ABI3BP: variants seen among roughly 807,000 people sequenced by gnomAD.
The protein encoded by ABI3BP is ABI family member 3 binding protein, also known as target of Nesh-SH3.
Under a neutral mutation model 268.6 loss-of-function variants are expected in ABI3BP, and 216 were observed. That is an observed-to-expected ratio of 0.80 (90% CI 0.72 to 0.90). The LOEUF is 0.90. Ranked by LOEUF, ABI3BP falls within the 40% of genes least tolerant of loss-of-function variation. The pLI, the probability that ABI3BP is intolerant of heterozygous loss-of-function variation, is 0.00. For missense variants in ABI3BP, 2,090 were observed against 2,182.4 expected (o/e 0.96, Z 0.84); for synonymous variants, 730 against 730.0 (o/e 1.00, Z 0.00).
intron 6 of ABI3BP, among the ~76,000 whole-genome samples, chr3:100,877,863 G>A (rs1369954011): frequency 6.6e-6 from 1 of 152,150 alleles, no homozygotes; most frequent in Non-Finnish European, 1.5e-5. Context: ...CAAACACCTG[G>A]TAGTGAGCAA....
chr3:100,940,943 T>C (rs2068891558), intron 1 of ABI3BP, among the ~76,000 whole-genome samples: 1 of 146,632 alleles, frequency 6.8e-6, no homozygotes, highest in African/African-American at 2.5e-5. Flanking sequence ...CCTATTTGTG[T>C]TCTATAAACA....
At position 100,830,110 on chromosome 3, in the gene ABI3BP, C is replaced by CATAT. The variant is rs559297681; in HGVS notation, c.2459-450_2459-447dup. Among the ~76,000 whole-genome samples, 285 of 44,292 alleles carry CATAT rather than the reference C, an allele frequency of 6.4e-3. 2 individuals carry two copies. Among genetic ancestry groups the CATAT allele is most frequent in the Non-Finnish European group, 9.0e-3 (207 of 22,978 alleles). 29.1% of individuals were successfully genotyped at this position (44,292 alleles called of 152,430 possible). A position where few individuals can be genotyped will look rare whatever the true frequency, so the allele number is the denominator to read the frequency against. On this transcript the variant is annotated intron_variant, in intron 32 of 67. Transcript: ENST00000471714. ...ATACATATACATACATACATACATA[C>CATAT]ATATATATATATATATATATATATA... is the stretch of plus-strand genomic sequence containing the variant.
At chr3:100,839,781 A>C (rs1205508434) in intron 23 of ABI3BP, among the ~76,000 whole-genome samples, 165 bp from the exon 24 acceptor site, 1 of 152,080 alleles carries the variant, frequency 6.6e-6, no homozygotes, top group Non-Finnish European at 1.5e-5. Flanking sequence ...GCTTTCCCAC[A>C]CCTCATCTGC....
At chr3:100,939,224 C>T (rs928793880) in intron 1 of ABI3BP, among the ~76,000 whole-genome samples, 5 of 152,212 alleles carry the variant, frequency 3.3e-5, no homozygotes, top group African/African-American at 1.2e-4. Flanking sequence ...GGGCAGTGAA[C>T]ATGTAGCTGC....
chr3:100,764,934 G>A (rs1158288266), intron 63 of ABI3BP, among the ~76,000 whole-genome samples: 1 of 152,156 alleles, frequency 6.6e-6, no homozygotes. Flanking sequence ...TGTTTTTGCA[G>A]TATCGGACTA....
At chr3:100,806,973 T>C (rs1447418093) in intron 50 of ABI3BP, among the ~76,000 whole-genome samples, 1 of 152,132 alleles carries the variant, frequency 6.6e-6, no homozygotes, top group Non-Finnish European at 1.5e-5. Context: ...TTTTTCCTAT[T>C]ACTTCATATC....
chr3:100,775,147 A>T, intron 60 of ABI3BP, 60 bp downstream of exon 60: 2 of 1,575,294 alleles, frequency 1.3e-6, no homozygotes, highest in Non-Finnish European at 8.6e-7. Flanking sequence ...CCCCACCAAC[A>T]TTTAAAATCT....
At chr3:100,966,186 T>C (rs145980566) in intron 1 of ABI3BP, among the ~76,000 whole-genome samples, 33 of 152,290 alleles carry the variant, frequency 2.2e-4, no homozygotes, top group Middle Eastern at 6.8e-3. Context: ...ATGTTGAAAA[T>C]AGAAAACCAT....
At chr3:100,911,281 CT>C (rs1297755744) in intron 2 of ABI3BP, 1 of 306,430 alleles carries the variant, frequency 3.3e-6, no homozygotes, top group East Asian at 8.1e-5. Context: ...AGAAACATGT[CT>C]GTTTTTTAAA....
In ABI3BP at chr3:100,909,108, T is replaced by A. The variant is rs571846963; in HGVS notation, c.260-6422A>T. Among the ~76,000 whole-genome samples, 6 of 152,096 alleles carry A rather than the reference T, an allele frequency of 3.9e-5. No homozygotes were observed. In the East Asian group the frequency reaches 1.2e-3, roughly 29 times the overall value. ...GAGGCCTCAGAAATAACAGCACGCA[T>A]CTACAACCATCTGATGTTTGACAAA... is the stretch of plus-strand genomic sequence containing the variant. On this transcript the variant is annotated intron_variant, in intron 2 of 67. Transcript: ENST00000471714.
intron 35 of ABI3BP, 31 bp from the exon 36 acceptor site, chr3:100,824,972 A>G: frequency 6.6e-7 from 1 of 1,515,872 alleles, no homozygotes; most frequent in East Asian, 2.5e-5. Flanking sequence ...GTGTTACTCT[A>G]GGTCTTATGA....
intron 1 of ABI3BP, among the ~76,000 whole-genome samples, chr3:100,948,554 AC>A (rs1429299506): frequency 6.6e-6 from 1 of 152,196 alleles, no homozygotes; most frequent in Non-Finnish European, 1.5e-5. Flanking sequence ...ATTGGCAGAG[AC>A]AGCCTGAGAA....
intron 2 of ABI3BP, among the ~76,000 whole-genome samples, chr3:100,909,327 A>G (rs547660677): frequency 2.0e-4 from 30 of 152,200 alleles, no homozygotes; most frequent in African/African-American, 6.7e-4. Context: ...CCGAGGCAAT[A>G]CCATTCAGGA....
At position 100,775,701 on chromosome 3, in the gene ABI3BP, T is replaced by C. The variant is rs75945913; in HGVS notation, c.4334-366A>G. The stretch of plus-strand genomic sequence containing the variant: ...TATTGGTAGGTAGAGACAAGAGCAG[T>C]ATTATAGACAGAGGTTATAACAAGA... On this transcript the variant is annotated intron_variant, in intron 59 of 67. Transcript: ENST00000471714. Among the ~76,000 whole-genome samples, 132 of 152,210 alleles carry C rather than the reference T, an allele frequency of 8.7e-4. No individual in the cohort carries two copies. In the East Asian group the frequency reaches 0.019, roughly 22 times the overall value.
intron 1 of ABI3BP, among the ~76,000 whole-genome samples, chr3:100,933,089 T>C (rs1200147371): frequency 6.6e-6 from 1 of 151,964 alleles, no homozygotes; most frequent in Non-Finnish European, 1.5e-5. Context: ...TTGGTCAACA[T>C]AATAAAATTA....
In ABI3BP at chr3:100,854,315, C is replaced by A. The variant is rs182279687; in HGVS notation, c.1286-2375G>T. Among the ~76,000 whole-genome samples, 4 of 152,148 alleles carry A rather than the reference C, an allele frequency of 2.6e-5. 1 individual carries two copies. The highest frequency in any genetic ancestry group is 1.9e-4 in the East Asian group (1 of 5,174). ...CAGAGCCTGCAGTGAGCCGAGATCT[C>A]GCCACTGCACTCTAGCCTGCACGAC... On this transcript the variant is annotated intron_variant, in intron 14 of 67. Transcript: ENST00000471714.
rs951670865 is a variant in ABI3BP at position 100,749,813 on chromosome 3, C to G, written c.*682G>C. Reference sequence around the variant, plus strand: ...ACATTTATGGTGGGTAAAAATGTATCTTTTGAAACAATATATTAGACTCCA... The same window carrying G: ...ACATTTATGGTGGGTAAAAATGTATGTTTTGAAACAATATATTAGACTCCA... On this transcript the variant is annotated 3_prime_UTR_variant, in exon 68 of 68. Transcript: ENST00000471714. 7.5e-6 allele frequency: 3 copies of G among 397,368 alleles called. No homozygotes were observed. The highest frequency in any genetic ancestry group is 1.3e-4 in the South Asian group (1 of 7,778). 24.6% of individuals were successfully genotyped at this position (397,368 alleles called of 1,614,324 possible). A position where few individuals can be genotyped will look rare whatever the true frequency, so the allele number is the denominator to read the frequency against.
intron 30 of ABI3BP, among the ~76,000 whole-genome samples, chr3:100,832,762 A>G (rs946972727): frequency 9.3e-6 from 1 of 107,404 alleles, no homozygotes; most frequent in Non-Finnish European, 1.7e-5. Context: ...AACATCAATA[A>G]AGCAAAAAAA....
At chr3:100,917,930 G>A (rs1382655842) in intron 2 of ABI3BP, among the ~76,000 whole-genome samples, 1 of 152,076 alleles carries the variant, frequency 6.6e-6, no homozygotes, top group Non-Finnish European at 1.5e-5. Flanking sequence ...AACTTATGGT[G>A]AATTGTTTAA....
Sources: gnomAD v4.1 joint callset for allele counts (sites outside exome capture counted in the v4.1 genomes callset) on GRCh38, gnomAD v4.1.1 for gene constraint, MANE v1.5 for transcripts, NCBI Gene and HGNC (gene_info 2026-07-23, HGNC 2026-07-21) for gene names.